USH2A: variants seen among roughly 807,000 people sequenced by gnomAD.
The protein encoded by USH2A is usherin, also known as Usher syndrome 2A (autosomal recessive, mild).
In USH2A, 443 loss-of-function variants were observed where a neutral mutation model predicts 538.9. The ratio of observed to expected loss-of-function variants is 0.82; its 90% CI spans 0.76 to 0.89. USH2A has a LOEUF of 0.89. Ranked by LOEUF, USH2A falls within the 40% of genes least tolerant of loss-of-function variation. USH2A has a pLI of 0.00. For synonymous variants in USH2A, 2,413 were observed against 2,273.5 expected (o/e 1.06, Z -1.75); for missense variants, 6,633 against 6,324.8 (o/e 1.05, Z -1.65).
intron 24 of USH2A, chr1:216,085,154 T>A: frequency 2.7e-6 from 1 of 371,406 alleles, no homozygotes; most frequent in Non-Finnish European, 4.9e-6. Context: ...CCTTTTCAAC[T>A]AACACAGAAA....
intron 38 of USH2A, among the ~76,000 whole-genome samples, chr1:215,930,375 A>G (rs1024788724): frequency 1.3e-5 from 2 of 150,726 alleles, no homozygotes; most frequent in Non-Finnish European, 3.0e-5. Context: ...TAACAAAGAC[A>G]GTTTCAGACA....
intron 37 of USH2A, among the ~76,000 whole-genome samples, chr1:215,950,746 G>A (rs1479758039): frequency 2.0e-5 from 3 of 151,856 alleles, no homozygotes; most frequent in Non-Finnish European, 4.4e-5. Flanking sequence ...TCCTGACCTT[G>A]TGATCCACCC....
At position 216,323,576 on chromosome 1, in the gene USH2A, G is replaced by A. The variant is rs201847741; in HGVS notation, c.1448C>T (p.Thr483Met). 201 of 1,613,466 alleles carry A rather than the reference G, an allele frequency of 1.2e-4. 2 individuals are homozygous for A. The highest frequency in any genetic ancestry group is 8.0e-4 in the South Asian group (73 of 91,064). Reference sequence around the variant, plus strand: ...CCCATGAAAATGAAACCTTATTTGCGTGGCTTTTACGAACTCTTGAAGAGA... The same window carrying A: ...CCCATGAAAATGAAACCTTATTTGCATGGCTTTTACGAACTCTTGAAGAGA... ...TPSLQEFVKA[T>M]QIRFHFHGQY... Residue 483 changes from threonine to methionine, a missense_variant, in exon 8 of 72, where the codon ACG (threonine) becomes ATG (methionine). By Grantham distance (81) the Thr-to-Met change is moderately conservative (BLOSUM62 -1). Transcript: ENST00000307340.
chr1:215,864,934 C>A (rs1055423194), intron 44 of USH2A, among the ~76,000 whole-genome samples: 8 of 151,968 alleles, frequency 5.3e-5, no homozygotes, highest in African/African-American at 1.9e-4. Context: ...TAGACAAAGA[C>A]CATGCTTTAA....
chr1:215,995,469 C>T (rs1348185639), intron 34 of USH2A, among the ~76,000 whole-genome samples: 1 of 152,086 alleles, frequency 6.6e-6, no homozygotes, highest in Non-Finnish European at 1.5e-5. Flanking sequence ...ATCTTAGTTC[C>T]TTTGATGGGA....
intron 13 of USH2A, among the ~76,000 whole-genome samples, chr1:216,244,223 A>C (rs1337950304): frequency 6.6e-6 from 1 of 152,148 alleles, no homozygotes; most frequent in Non-Finnish European, 1.5e-5. Flanking sequence ...AGGTAGATTG[A>C]AATCGGCTCT....
At chr1:216,153,384 C>A (rs2033877829) in intron 21 of USH2A, among the ~76,000 whole-genome samples, 1 of 152,162 alleles carries the variant, frequency 6.6e-6, no homozygotes, top group Non-Finnish European at 1.5e-5. Flanking sequence ...TCTGCATGCT[C>A]CCTCTCCTGC....
chr1:215,627,385 T>C (rs543248765), intron 71 of USH2A, among the ~76,000 whole-genome samples: 290 of 31,304 alleles, frequency 9.3e-3, no homozygotes, highest in Non-Finnish European at 0.013. Flanking sequence ...CCCTTCCTTC[T>C]TTCCTTCCTT....
At chr1:216,166,821 G>A (rs550443322) in intron 21 of USH2A, among the ~76,000 whole-genome samples, 1 of 152,238 alleles carries the variant, frequency 6.6e-6, no homozygotes, top group Admixed American at 6.5e-5. Flanking sequence ...ATTTTCTGCT[G>A]GAGGGAGGAT....
chr1:216,235,716 A>G (rs2035797511), intron 13 of USH2A, among the ~76,000 whole-genome samples: 1 of 152,180 alleles, frequency 6.6e-6, no homozygotes. Context: ...ATGAACAACT[A>G]GGCTTTGCCA....
At chr1:216,291,309 C>T (rs2036997156) in intron 10 of USH2A, among the ~76,000 whole-genome samples, 4 of 152,140 alleles carry the variant, frequency 2.6e-5, no homozygotes, top group African/African-American at 9.7e-5. Context: ...AAATGTTTCC[C>T]TAATTGTAAG....
chr1:215,798,759 T>C, intron 50 of USH2A, 148 bp downstream of exon 50: 2 of 914,710 alleles, frequency 2.2e-6, no homozygotes, highest in Non-Finnish European at 1.7e-6. Context: ...TACATTGTTA[T>C]GTGTTAAACA....
chr1:215,768,870 C>A (rs979730695), intron 55 of USH2A, among the ~76,000 whole-genome samples: 2 of 152,074 alleles, frequency 1.3e-5, no homozygotes, highest in African/African-American at 4.8e-5. Context: ...CATCACTGAG[C>A]GAGTCTTTTT....
At chr1:216,228,317 T>C (rs1572069432) in intron 14 of USH2A, among the ~76,000 whole-genome samples, 1 of 151,354 alleles carries the variant, frequency 6.6e-6, no homozygotes, top group African/African-American at 2.4e-5. Context: ...ATGGCAGGAG[T>C]TAGAAAAGGG....
At chr1:216,091,493 A>C (rs1367409950) in intron 22 of USH2A, among the ~76,000 whole-genome samples, 2 of 152,094 alleles carry the variant, frequency 1.3e-5, no homozygotes, top group South Asian at 4.1e-4. Flanking sequence ...ACTTTTCTTT[A>C]TTGTATCTTT....
intron 58 of USH2A, among the ~76,000 whole-genome samples, chr1:215,752,587 G>A (rs991777252): frequency 2.0e-5 from 3 of 152,190 alleles, no homozygotes; most frequent in Non-Finnish European, 4.4e-5. Context: ...CTTCTAGAAT[G>A]TGTAGGTAAA....
chr1:215,691,490 T>A (rs1325664333), intron 61 of USH2A, among the ~76,000 whole-genome samples: 1 of 152,162 alleles, frequency 6.6e-6, no homozygotes, highest in Non-Finnish European at 1.5e-5. Flanking sequence ...ACTTTATGCA[T>A]AGGTTTGCAT....
intron 61 of USH2A, among the ~76,000 whole-genome samples, chr1:215,696,683 A>G (rs1658821979): frequency 6.6e-6 from 1 of 152,080 alleles, no homozygotes; most frequent in African/African-American, 2.4e-5. Context: ...GCGGATACAG[A>G]CTTGTGCCCC....
chr1:215,759,988 G>A lies in USH2A; in HGVS notation c.11048-145C>T, dbSNP rs1660932982. ...CTGTATGGAACAAAAATACATAATT[G>A]GTGTAAATATATTTTTATTACTTTG... On this transcript the variant is annotated intron_variant, in intron 56 of 71. Coordinates refer to ENST00000307340, the MANE Select transcript of USH2A (RefSeq NM_206933.4). 7.0e-6 allele frequency: 6 copies of A among 852,954 alleles called. No individual in the cohort carries two copies. In the Admixed American group the frequency reaches 1.1e-4, roughly 15 times the overall value. The allele number at this position is 852,954 out of a possible 1,614,324, so 52.8% of individuals were successfully genotyped here. A position where few individuals can be genotyped will look rare whatever the true frequency, so the allele number is the denominator to read the frequency against.
Sources: allele counts gnomAD v4.1 joint callset (sites outside exome capture counted in the v4.1 genomes callset), GRCh38; gene constraint gnomAD v4.1.1; transcripts MANE v1.5; gene names NCBI Gene and HGNC (gene_info 2026-07-23, HGNC 2026-07-21).